Variants in SOCS6 observed in about 807,000 individuals in gnomAD.
SOCS6 encodes suppressor of cytokine signaling 6.
SOCS6 carries 5 observed loss-of-function variants against 27.7 expected under a neutral mutation model. That is an observed-to-expected ratio of 0.18 (90% CI 0.09 to 0.38). The LOEUF is 0.38. Among genes scored for constraint, SOCS6 ranks in the 10% least tolerant of loss-of-function variants. The pLI is 1.00. For synonymous variants in SOCS6, 271 were observed against 260.0 expected (o/e 1.04, Z -0.41); for missense variants, 595 against 688.1 (o/e 0.86, Z 1.51).
In SOCS6 at chr18:70,324,543, A is replaced by G; in HGVS notation, c.-126A>G. 1 of 644,038 alleles carries G rather than the reference A, an allele frequency of 1.6e-6. No homozygotes were observed. The highest frequency in any genetic ancestry group is 2.7e-5 in the East Asian group (1 of 36,944). The allele number at this position is 644,038 out of a possible 1,614,324, so 39.9% of individuals were successfully genotyped here. A position where few individuals can be genotyped will look rare whatever the true frequency, so the allele number is the denominator to read the frequency against. ...CTCTTTTTATATTTTTATTTTTTAG[A>G]AAATGGCTCCAAAGGTTAAATGAAG... is the stretch of plus-strand genomic sequence containing the variant. On this transcript the variant is annotated splice_region_variant and 5_prime_UTR_variant, in exon 2 of 2. Coordinates refer to ENST00000397942, the MANE Select transcript of SOCS6 (RefSeq NM_004232.4).
intron 1 of SOCS6, among the ~76,000 whole-genome samples, chr18:70,298,584 A>G (rs927160060): frequency 5.9e-5 from 9 of 152,198 alleles, no homozygotes; most frequent in Middle Eastern, 3.2e-3. Context: ...GCAGATGTGG[A>G]CATCATTAAG....
In SOCS6 at chr18:70,328,402, C is replaced by T. The variant is rs1911289582; in HGVS notation, c.*2126C>T. 1 of 166,522 alleles carries T rather than the reference C, an allele frequency of 6.0e-6. No individual in the cohort carries two copies. Among genetic ancestry groups the T allele is most frequent in the Non-Finnish European group, 1.5e-5 (1 of 68,118 alleles). The allele number at this position is 166,522 out of a possible 1,614,324, so 10.3% of individuals were successfully genotyped here. Reference sequence around the variant, plus strand: ...GGTGCACAGAGGTCTTTGGACTGCCCTGAACCCGTCTTATGTGGACATAAC... The same window carrying T: ...GGTGCACAGAGGTCTTTGGACTGCCTTGAACCCGTCTTATGTGGACATAAC... On this transcript the variant is annotated 3_prime_UTR_variant, in exon 2 of 2. Transcript: ENST00000397942.
At chr18:70,306,463 CAG>C (rs1568599396) in intron 1 of SOCS6, among the ~76,000 whole-genome samples, 1 of 106,552 alleles carries the variant, frequency 9.4e-6, no homozygotes, top group African/African-American at 3.9e-5. Context: ...AGCCTGGTGA[CAG>C]AGACTCCATC....
intron 1 of SOCS6, among the ~76,000 whole-genome samples, chr18:70,305,063 C>T (rs1307503135): frequency 3.9e-5 from 6 of 152,030 alleles, no homozygotes; most frequent in Non-Finnish European, 8.8e-5. Context: ...AAAAATTTGC[C>T]GGGCATGGTG....
In SOCS6 at chr18:70,325,103, G is replaced by A; in HGVS notation, c.435G>A (p.Glu145=). The A allele has an allele frequency of 6.2e-7, 1 of 1,614,116 alleles. No individual in the cohort carries two copies. The highest frequency in any genetic ancestry group is 8.5e-7 in the Non-Finnish European group (1 of 1,180,038). The change falls in exon 2 of 2, where the codon GAG becomes GAA. Residue 145 remains glutamate (E), a synonymous_variant. Coordinates refer to ENST00000397942, the MANE Select transcript of SOCS6 (RefSeq NM_004232.4). The surrounding 1 kb of genome is among the most constrained non-coding windows in gnomAD (Gnocchi z 6.3). ...GGCCTCTGCGGCCCACAAACTCCGAGGAGACCTGCATCAAGATGGAGGTGA... is the reference window on the plus strand; with the variant it reads ...GGCCTCTGCGGCCCACAAACTCCGAAGAGACCTGCATCAAGATGGAGGTGA... ...APWPLRPTNS[E]ETCIKMEVRV...
intron 1 of SOCS6, among the ~76,000 whole-genome samples, chr18:70,310,065 G>A (rs9946237): frequency 0.059 from 9,011 of 152,200 alleles, 885 homozygotes; most frequent in African/African-American, 0.2. Flanking sequence ...AACTTAAACA[G>A]TCTCATGCCC....
chr18:70,295,987 C>G lies in SOCS6; in HGVS notation c.-127+6897C>G, dbSNP rs1261994575. Among the ~76,000 whole-genome samples the G allele has an allele frequency of 2.6e-5, 4 of 152,084 alleles. No homozygotes were observed. The East Asian group carries it at 7.7e-4, about 29-fold the overall frequency. ...AGTTGAGCTGGCTCTTGCAGGGTGA[C>G]GTGTGTTTGATTGGAGAAAGATACA... On this transcript the variant is annotated intron_variant, in intron 1 of 1. Coordinates refer to ENST00000397942, the MANE Select transcript of SOCS6 (RefSeq NM_004232.4).
intron 1 of SOCS6, among the ~76,000 whole-genome samples, chr18:70,315,756 C>CT: frequency 6.6e-6 from 1 of 152,148 alleles, no homozygotes; most frequent in African/African-American, 2.4e-5. Flanking sequence ...TAATTTATTT[C>CT]TTTTAATTCC....
At chr18:70,304,095 G>T (rs1392423624) in intron 1 of SOCS6, among the ~76,000 whole-genome samples, 1 of 152,172 alleles carries the variant, frequency 6.6e-6, no homozygotes, top group Non-Finnish European at 1.5e-5. Context: ...CTCAATGTCA[G>T]ATGAATTTTT....
Position 70,326,174 on chromosome 18 carries a change from C to T in SOCS6, c.1506C>T (p.Tyr502=). ...SRFMQVRSLQ[Y]LCRFVIRQYT... ...TCATGCAGGTGCGCTCGTTGCAGTA[C>T]CTGTGTCGTTTTGTTATACGTCAGT... Residue 502 remains tyrosine (Y), a synonymous_variant, in exon 2 of 2, where the codon TAC becomes TAT. Transcript: ENST00000397942. The T allele has an allele frequency of 1.2e-6, 2 of 1,614,168 alleles. No homozygotes were observed. Among genetic ancestry groups the T allele is most frequent in the Non-Finnish European group, 1.7e-6 (2 of 1,180,030 alleles).
At chr18:70,303,560 G>A (rs2062357203) in intron 1 of SOCS6, among the ~76,000 whole-genome samples, 1 of 152,194 alleles carries the variant, frequency 6.6e-6, no homozygotes, top group East Asian at 1.9e-4. Context: ...TTGGGAGGCT[G>A]AGTCAGGTGG....
chr18:70,317,659 T>C (rs796855126), intron 1 of SOCS6, among the ~76,000 whole-genome samples: 7 of 152,118 alleles, frequency 4.6e-5, no homozygotes, highest in African/African-American at 1.7e-4. Context: ...ATCGTGCTGC[T>C]ATGTGTGTGC....
chr18:70,301,150 A>C (rs1387039800), intron 1 of SOCS6, among the ~76,000 whole-genome samples: 5 of 152,224 alleles, frequency 3.3e-5, no homozygotes, highest in African/African-American at 1.2e-4. Context: ...GGCAGAAGAC[A>C]TAAGACTCTT....
intron 1 of SOCS6, among the ~76,000 whole-genome samples, chr18:70,312,771 AT>A (rs375997089): frequency 1.0e-3 from 124 of 121,950 alleles, no homozygotes; most frequent in African/African-American, 2.0e-3. Context: ...AATTCTTTGG[AT>A]TTTTTTTTTT....
chr18:70,305,102 G>A (rs2062363599), intron 1 of SOCS6, among the ~76,000 whole-genome samples: 1 of 130,886 alleles, frequency 7.6e-6, no homozygotes, highest in African/African-American at 3.0e-5. Context: ...AGCTATTGGG[G>A]AGGCCGACGC....
At chr18:70,294,140 A>G (rs2062313094) in intron 1 of SOCS6, among the ~76,000 whole-genome samples, 1 of 152,018 alleles carries the variant, frequency 6.6e-6, no homozygotes, top group Non-Finnish European at 1.5e-5. Context: ...ATGTTAGTGT[A>G]TTAAGTGCCT....
At chr18:70,317,623 C>G (rs1043080640) in intron 1 of SOCS6, among the ~76,000 whole-genome samples, 1 of 151,704 alleles carries the variant, frequency 6.6e-6, no homozygotes, top group Non-Finnish European at 1.5e-5. Context: ...GGACGTTGGG[C>G]TCATTCCATA....
chr18:70,296,163 C>T (rs2062321857), intron 1 of SOCS6, among the ~76,000 whole-genome samples: 1 of 152,164 alleles, frequency 6.6e-6, no homozygotes, highest in African/African-American at 2.4e-5. Context: ...ATAGTGACTT[C>T]CTGTGAAAGG....
intron 1 of SOCS6, among the ~76,000 whole-genome samples, chr18:70,317,554 T>TACACACACACACACACACAC (rs369682234): frequency 4.3e-5 from 6 of 139,070 alleles, no homozygotes; most frequent in Non-Finnish European, 7.6e-5. Context: ...CATATATACA[T>TACACACACACACACACACAC]ACACACACAC....
Sources: allele counts gnomAD v4.1 joint callset (sites outside exome capture counted in the v4.1 genomes callset), GRCh38; gene constraint gnomAD v4.1.1; non-coding constraint Gnocchi (gnomAD v3.1); transcripts MANE v1.5; gene names NCBI Gene and HGNC (gene_info 2026-07-23, HGNC 2026-07-21).